Variants in RERE observed in about 807,000 individuals in gnomAD.
RERE encodes arginine-glutamic acid dipeptide repeats protein.
RERE carries 40 observed loss-of-function variants against 146.1 expected under a neutral mutation model. The ratio of observed to expected loss-of-function variants is 0.27; its 90% confidence interval spans 0.21 to 0.36. The LOEUF is 0.36. Ranked by LOEUF, RERE falls within the 10% of genes least tolerant of loss-of-function variation. The pLI is 1.00. For missense variants in RERE, 1,933 were observed against 2,138.7 expected (o/e 0.90, Z 1.90); for synonymous variants, 1,003 against 866.0 (o/e 1.16, Z -2.78).
At chr1:8,427,270 C>T (rs776833818) in intron 11 of RERE, among the ~76,000 whole-genome samples, 2 of 152,154 alleles carry the variant, frequency 1.3e-5, no homozygotes, top group African/African-American at 2.4e-5. Context: ...TGACCTCTTG[C>T]TCCATGATGC....
chr1:8,676,701 C>G (rs1377230260), intron 1 of RERE, among the ~76,000 whole-genome samples: 1 of 152,208 alleles, frequency 6.6e-6, no homozygotes, highest in East Asian at 1.9e-4. Flanking sequence ...GGCAGAATCC[C>G]TCTGTGGTCC....
chr1:8,381,661 T>C (rs1015081034), intron 12 of RERE, among the ~76,000 whole-genome samples: 5 of 152,236 alleles, frequency 3.3e-5, no homozygotes, highest in Admixed American at 1.3e-4. Flanking sequence ...AAGAGTCCCT[T>C]GATCCATTTA....
At chr1:8,711,110 T>C (rs1639657863) in intron 1 of RERE, among the ~76,000 whole-genome samples, 1 of 120,136 alleles carries the variant, frequency 8.3e-6, no homozygotes, top group East Asian at 2.7e-4. Context: ...TGAGCCCAGA[T>C]CGAGCCACTG....
chr1:8,564,832 A>ATATATGTGTGTGTGTGTG (rs1646129476), intron 4 of RERE, among the ~76,000 whole-genome samples: 4 of 139,016 alleles, frequency 2.9e-5, no homozygotes, highest in Admixed American at 2.8e-4. Flanking sequence ...GTATATGTGT[A>ATATATGTGTGTGTGTGTG]TGTGTGTGTG....
Position 8,360,093 on chromosome 1 carries a change from G to A in RERE, c.3395+19C>T. Reference sequence around the variant, plus strand: ...AGCCCACCTGTGCCTGACCCGTCCTGGAGCCCTAGGAAGCGTACCTAGCTG... The same window carrying A: ...AGCCCACCTGTGCCTGACCCGTCCTAGAGCCCTAGGAAGCGTACCTAGCTG... On this transcript the variant is annotated intron_variant, in intron 18 of 22. Transcript: ENST00000400908. The A allele has an allele frequency of 6.3e-7, 1 of 1,578,136 alleles. No homozygotes were observed.
intron 16 of RERE, 42 bp from the exon 17 acceptor site, chr1:8,361,918 G>T: frequency 7.3e-7 from 1 of 1,375,816 alleles, no homozygotes; most frequent in Non-Finnish European, 1.0e-6. Flanking sequence ...GGCCAAGGGA[G>T]ACCATCCCAT....
chr1:8,597,973 T>G (rs1646575996), intron 4 of RERE, among the ~76,000 whole-genome samples: 1 of 152,120 alleles, frequency 6.6e-6, no homozygotes, highest in South Asian at 2.1e-4. Flanking sequence ...CAGGTCTCAG[T>G]GGTTCTGCAT....
intron 12 of RERE, among the ~76,000 whole-genome samples, chr1:8,368,986 G>C (rs917501249): frequency 6.6e-6 from 1 of 152,118 alleles, no homozygotes; most frequent in Non-Finnish European, 1.5e-5. Flanking sequence ...GATTGCTTGA[G>C]GCCAGGAGCT....
intron 7 of RERE, among the ~76,000 whole-genome samples, chr1:8,532,123 G>C (rs1348348087): frequency 6.6e-6 from 1 of 152,096 alleles, no homozygotes; most frequent in Admixed American, 6.5e-5. Context: ...ATGTCGAAGA[G>C]GCAACATATG....
intron 12 of RERE, among the ~76,000 whole-genome samples, chr1:8,373,127 C>A (rs765947278): frequency 2.6e-5 from 4 of 152,210 alleles, no homozygotes; most frequent in Non-Finnish European, 4.4e-5. Flanking sequence ...CTTGTACGCA[C>A]CTGACCCCAT....
At chr1:8,600,629 C>T (rs961201937) in intron 4 of RERE, among the ~76,000 whole-genome samples, 4 of 152,030 alleles carry the variant, frequency 2.6e-5, no homozygotes, top group Non-Finnish European at 4.4e-5. Context: ...CCCCACCTTC[C>T]AGAGAAAATT....
chr1:8,389,150 T>C (rs1642791375), intron 12 of RERE, among the ~76,000 whole-genome samples: 1 of 152,116 alleles, frequency 6.6e-6, no homozygotes, highest in Non-Finnish European at 1.5e-5. Context: ...ATTATCAAAA[T>C]CAGTCTAAAA....
chr1:8,802,783 T>C (rs922080093), intron 1 of RERE, among the ~76,000 whole-genome samples: 1 of 152,090 alleles, frequency 6.6e-6, no homozygotes, highest in African/African-American at 2.4e-5. Flanking sequence ...TGTATTTCAC[T>C]AAAGCATATA....
rs917296534 is a variant in RERE at position 8,762,406 on chromosome 1, C to T, written c.-145+54754G>A. On this transcript the variant is annotated intron_variant, in intron 1 of 22. Transcript: ENST00000400908. ...TGAAAAAATTACAAATCAGCTTTCT[C>T]GGTTATAACACAAGCTTTTCAGCAC... Among the ~76,000 whole-genome samples the T allele has an allele frequency of 3.3e-5, 5 of 152,282 alleles. No homozygotes were observed. In the East Asian group the frequency reaches 7.7e-4, roughly 23 times the overall value.
chr1:8,582,273 C>A (rs1441297046), intron 4 of RERE, among the ~76,000 whole-genome samples: 2 of 151,968 alleles, frequency 1.3e-5, no homozygotes, highest in Non-Finnish European at 2.9e-5. Flanking sequence ...CAGGGCTGAT[C>A]ACAGCACACA....
chr1:8,618,495 G>A (rs1273537697), intron 3 of RERE, among the ~76,000 whole-genome samples: 3 of 152,138 alleles, frequency 2.0e-5, no homozygotes, highest in African/African-American at 7.2e-5. Flanking sequence ...TTCAAATTAT[G>A]TGCACCTTCC....
intron 10 of RERE, among the ~76,000 whole-genome samples, chr1:8,476,289 G>A (rs1459610868): frequency 6.6e-6 from 1 of 152,192 alleles, no homozygotes; most frequent in African/African-American, 2.4e-5. Flanking sequence ...GCAAGTAGCA[G>A]CATGAGGATT....
chr1:8,813,614 C>CTTTTTTTT (rs34918730), intron 1 of RERE, among the ~76,000 whole-genome samples: 1 of 121,152 alleles, frequency 8.3e-6, no homozygotes, highest in Non-Finnish European at 1.7e-5. Flanking sequence ...CTATTTTTTC[C>CTTTTTTTT]TTTTTTTTTT....
At chr1:8,783,867 T>C (rs1641213316) in intron 1 of RERE, among the ~76,000 whole-genome samples, 9 of 152,012 alleles carry the variant, frequency 5.9e-5, no homozygotes, top group Admixed American at 5.9e-4. Flanking sequence ...GAAAGATATG[T>C]CCAAGTCCTA....
Sources: gnomAD v4.1 joint callset for allele counts (sites outside exome capture counted in the v4.1 genomes callset) on GRCh38, gnomAD v4.1.1 for gene constraint, MANE v1.5 for transcripts, NCBI Gene and HGNC (gene_info 2026-07-23, HGNC 2026-07-21) for gene names.